The following NUP98 variants were observed in gnomAD, a reference collection of about 807,000 sequenced individuals.
The protein encoded by NUP98 is nucleoporin 98 and 96 precursor, also known as nuclear pore complex protein Nup98-Nup96.
Under a neutral mutation model 191.9 loss-of-function variants are expected in NUP98, and 26 were observed. That is an observed-to-expected ratio of 0.14 (90% CI 0.10 to 0.19). The LOEUF (loss-of-function observed/expected upper bound fraction) is 0.19. Ranked by LOEUF, NUP98 falls within the 10% of genes least tolerant of loss-of-function variation. The pLI, the probability that NUP98 is intolerant of heterozygous loss-of-function variation, is 1.00. For synonymous variants in NUP98, 808 were observed against 778.4 expected (o/e 1.04, Z -0.63); for missense variants, 1,941 against 2,178.8 (o/e 0.89, Z 2.17).
At chr11:3,757,628 G>C (rs2081017730) in intron 10 of NUP98, among the ~76,000 whole-genome samples, 1 of 150,184 alleles carries the variant, frequency 6.7e-6, no homozygotes, top group African/African-American at 2.5e-5. Context: ...GTAAAACCCT[G>C]TTTCTACTAA....
intron 14 of NUP98, among the ~76,000 whole-genome samples, chr11:3,730,794 C>T (rs942768662): frequency 1.4e-5 from 2 of 146,926 alleles, no homozygotes; most frequent in Admixed American, 6.8e-5. Context: ...AGAGTGAGAC[C>T]TGAACTTTTA....
In NUP98 at chr11:3,692,157, GA is replaced by G. The variant is rs199902344; in HGVS notation, c.4312-669del. ...TTACCCGTCTGACATAAAAAGATAAGAAAAAAAAATTTTTTTTTTAAATTAG... is the reference window on the plus strand; with the variant it reads ...TTACCCGTCTGACATAAAAAGATAAGAAAAAAAATTTTTTTTTTAAATTAG... On this transcript the variant is annotated intron_variant, in intron 27 of 32. Coordinates refer to ENST00000324932, the MANE Select transcript of NUP98 (RefSeq NM_016320.5). Among the ~76,000 whole-genome samples, 6 of 151,686 alleles carry G rather than the reference GA, an allele frequency of 4.0e-5. No individual in the cohort carries two copies. The East Asian group carries it at 7.7e-4, about 20-fold the overall frequency.
intron 7 of NUP98, among the ~76,000 whole-genome samples, chr11:3,771,529 C>T (rs1392378234): frequency 6.6e-6 from 1 of 152,204 alleles, no homozygotes; most frequent in Admixed American, 6.5e-5. Context: ...TACGTCACTG[C>T]TCAAACATCA....
rs1381936686 is a variant in NUP98 at position 3,741,936 on chromosome 11, TAGTCA to T, written c.1408+2568_1408+2572del. 6.6e-5 allele frequency among the ~76,000 whole-genome samples: 10 copies of T among 152,226 alleles called. No homozygotes were observed. The East Asian group carries it at 1.7e-3, about 26-fold the overall frequency. ...ATGAAGGTATTTTCAGACCTCTAAG[TAGTCA>T]AAGGTTAGCCTTCATATTACACTTC... On this transcript the variant is annotated intron_variant, in intron 12 of 32. Coordinates refer to ENST00000324932, the MANE Select transcript of NUP98 (RefSeq NM_016320.5).
intron 14 of NUP98, among the ~76,000 whole-genome samples, chr11:3,725,662 T>A (rs1254230980): frequency 6.6e-6 from 1 of 152,180 alleles, no homozygotes; most frequent in East Asian, 1.9e-4. Context: ...AAACAGACAT[T>A]TGCTGACTAA....
intron 8 of NUP98, among the ~76,000 whole-genome samples, chr11:3,765,265 G>T (rs1564902191): frequency 6.6e-6 from 1 of 152,092 alleles, no homozygotes; most frequent in African/African-American, 2.4e-5. Flanking sequence ...TCATAGCCAC[G>T]ATCATAGTGC....
intron 22 of NUP98, among the ~76,000 whole-genome samples, chr11:3,703,216 CTTTTTT>C (rs1310254994): frequency 7.2e-6 from 1 of 139,154 alleles, no homozygotes; most frequent in Non-Finnish European, 1.6e-5. Flanking sequence ...TCTTCAAAAA[CTTTTTT>C]TTTTTTTTTT....
intron 11 of NUP98, among the ~76,000 whole-genome samples, chr11:3,749,614 C>G (rs1467826099): frequency 6.6e-6 from 1 of 152,040 alleles, no homozygotes; most frequent in Non-Finnish European, 1.5e-5. Flanking sequence ...ACGAGAGAAA[C>G]TCGGTCTCTA....
intron 2 of NUP98, 95 bp from the exon 3 acceptor site, chr11:3,779,352 G>A: frequency 9.2e-7 from 1 of 1,081,564 alleles, no homozygotes; most frequent in African/African-American, 1.5e-5. Context: ...TTAAAATTCT[G>A]CATTTGAGGC....
chr11:3,714,269 G>C (rs545517368), intron 18 of NUP98, among the ~76,000 whole-genome samples: 1 of 152,090 alleles, frequency 6.6e-6, no homozygotes, highest in Non-Finnish European at 1.5e-5. Context: ...TCACACTTAA[G>C]CTAGGAATCA....
Position 3,700,738 on chromosome 11 carries a change from T to G in NUP98, c.3614A>C (p.Lys1205Thr). ...MKLYQTPLELKLKHSTVHVDE... is the reference protein window; with the variant it reads ...MKLYQTPLELTLKHSTVHVDE... The stretch of plus-strand genomic sequence containing the variant: ...CACATGGACAGTGCTGTGTTTTAAT[T>G]TGAGCTCCAGAGGTGTCTGATATAA... Residue 1205 changes from lysine (K) to threonine (T), a missense_variant, in exon 24 of 33, where the codon AAA (lysine) becomes ACA (threonine). Transcript: ENST00000324932. 6.2e-7 allele frequency: 1 copy of G among 1,614,172 alleles called. No individual in the cohort carries two copies. Among genetic ancestry groups the G allele is most frequent in the South Asian group, 1.1e-5 (1 of 91,084 alleles).
At chr11:3,720,514 A>G (rs1257619979) in intron 17 of NUP98, among the ~76,000 whole-genome samples, 198 bp downstream of exon 17, 1 of 152,100 alleles carries the variant, frequency 6.6e-6, no homozygotes, top group Non-Finnish European at 1.5e-5. Context: ...CAGAAAAAAT[A>G]AAATAAATAA....
chr11:3,780,011 T>C (rs916720750), intron 2 of NUP98, among the ~76,000 whole-genome samples: 5 of 152,102 alleles, frequency 3.3e-5, no homozygotes, highest in African/African-American at 9.7e-5. Context: ...CTGAGATAAA[T>C]GGTCTTTCAT....
intron 21 of NUP98, 81 bp downstream of exon 21, chr11:3,706,364 A>AG: frequency 7.5e-7 from 1 of 1,324,656 alleles, no homozygotes; most frequent in Admixed American, 1.8e-5. Flanking sequence ...TTAATAACCA[A>AG]GGAAGAGACC....
At chr11:3,716,418 A>G (rs2079184718) in intron 18 of NUP98, among the ~76,000 whole-genome samples, 1 of 151,992 alleles carries the variant, frequency 6.6e-6, no homozygotes, top group African/African-American at 2.4e-5. Context: ...ACTGAAAATC[A>G]TTTAAGACTG....
At chr11:3,774,651 A>C (rs1485695405) in intron 5 of NUP98, among the ~76,000 whole-genome samples, 1 of 151,968 alleles carries the variant, frequency 6.6e-6, no homozygotes, top group Non-Finnish European at 1.5e-5. Context: ...CAGGAGGCAG[A>C]GGTTGCAGTG....
chr11:3,683,522 G>C, intron 29 of NUP98, 81 bp from the exon 30 acceptor site: 1 of 1,491,614 alleles, frequency 6.7e-7, no homozygotes, highest in Non-Finnish European at 9.1e-7. Context: ...GTGGCCCTTG[G>C]GGCAGTCTCT....
chr11:3,793,826 TG>T (rs2082436651), intron 1 of NUP98, among the ~76,000 whole-genome samples: 1 of 151,538 alleles, frequency 6.6e-6, no homozygotes, highest in East Asian at 2.0e-4. Context: ...CAAAATTAGC[TG>T]GGTGTGGTGG....
chr11:3,781,235 T>C (rs2081956999), intron 2 of NUP98, among the ~76,000 whole-genome samples: 1 of 148,714 alleles, frequency 6.7e-6, no homozygotes, highest in Non-Finnish European at 1.5e-5. Flanking sequence ...GAAAAGTTTC[T>C]GGGATTTAAT....
Sources: gnomAD v4.1 joint callset for allele counts (sites outside exome capture counted in the v4.1 genomes callset) on GRCh38, gnomAD v4.1.1 for gene constraint, MANE v1.5 for transcripts, NCBI Gene and HGNC (gene_info 2026-07-23, HGNC 2026-07-21) for gene names.